Variants in PLAGL1 observed in about 807,000 individuals in gnomAD.
The protein encoded by PLAGL1 is zinc finger protein PLAGL1.
Under a neutral mutation model 4.6 loss-of-function variants are expected in PLAGL1, and 1 was observed. The observed-to-expected ratio is 0.22, with a 90% CI of 0.08 to 1.03. The LOEUF is 1.03. Among genes scored for constraint, PLAGL1 ranks in the 50% least tolerant of loss-of-function variants. The pLI is 0.58. For missense variants in PLAGL1, 464 were observed against 570.4 expected (o/e 0.81, Z 1.90); for synonymous variants, 240 against 237.8 (o/e 1.01, Z -0.08).
In PLAGL1 at chr6:144,006,192, C is replaced by G. The variant is rs1794130666; in HGVS notation, c.-584+1898G>C. On this transcript the variant is annotated intron_variant, in intron 1 of 7. Coordinates refer to ENST00000674357, the MANE Select transcript of PLAGL1 (RefSeq NM_001317162.2). This position sits in a 1 kb window ranked among gnomAD's most constrained non-coding sequence, Gnocchi z 4.3. ...ATTACTGATAAATTCCCTAGGTACT[C>G]CTCCCTGAGCAAGATTTTTTTTTTC... 6.7e-6 allele frequency: 1 copy of G among 149,610 alleles called. No individual in the cohort carries two copies. 9.3% of individuals were successfully genotyped at this position (149,610 alleles called of 1,614,324 possible). A position where few individuals can be genotyped will look rare whatever the true frequency, so the allele number is the denominator to read the frequency against.
intron 1 of PLAGL1, among the ~76,000 whole-genome samples, chr6:144,035,624 C>T (rs912690531): frequency 6.6e-6 from 1 of 152,194 alleles, no homozygotes; most frequent in Non-Finnish European, 1.5e-5. Context: ...TTGCATCCTT[C>T]AATCTAATCA....
At chr6:143,946,354 T>C (rs1779788198) in intron 7 of PLAGL1, among the ~76,000 whole-genome samples, 2 of 152,218 alleles carry the variant, frequency 1.3e-5, no homozygotes, top group Non-Finnish European at 2.9e-5. Context: ...GTGTCCTCAC[T>C]GTGACTCAGT....
rs17073244 is a variant in PLAGL1 at position 143,949,679 on chromosome 6, G to A, written c.-324-1219C>T. ...AAAATTAAGAGTACTGTATGCTTAG[G>A]TGAAGTACACTTGAGTAGCTTTTGT... On this transcript the variant is annotated intron_variant, in intron 6 of 7. Coordinates refer to ENST00000674357, the MANE Select transcript of PLAGL1 (RefSeq NM_001317162.2). This position sits in a 1 kb window ranked among gnomAD's most constrained non-coding sequence, Gnocchi z 5.3. Among the ~76,000 whole-genome samples, 8,506 of 152,214 alleles carry A rather than the reference G, an allele frequency of 0.056. 277 individuals are homozygous for A. Among genetic ancestry groups the A allele is most frequent in the Non-Finnish European group, 0.065 (4,403 of 68,004 alleles).
rs964585404 is a variant in PLAGL1 at position 143,975,379 on chromosome 6, A to G, written c.-543-6401T>C. On this transcript the variant is annotated intron_variant, in intron 2 of 7. Coordinates refer to ENST00000674357, the MANE Select transcript of PLAGL1 (RefSeq NM_001317162.2). This position sits in a 1 kb window ranked among gnomAD's most constrained non-coding sequence, Gnocchi z 5.8. ...AATAATTTTATAAATTAAGCAATTA[A>G]CAATATTTTTGGAACCTTAGTTTCC... Among the ~76,000 whole-genome samples, 2 of 152,192 alleles carry G rather than the reference A, an allele frequency of 1.3e-5. No individual in the cohort carries two copies. The highest frequency in any genetic ancestry group is 4.8e-5 in the African/African-American group (2 of 41,436).
Position 144,045,167 on chromosome 6 carries a change from A to C in PLAGL1, c.-151+19301T>G, listed in dbSNP as rs556600146. 1.2e-3 allele frequency among the ~76,000 whole-genome samples: 181 copies of C among 151,844 alleles called. 1 individual carries two copies. The highest frequency in any genetic ancestry group is 4.1e-3 in the African/African-American group (168 of 41,404). On this transcript the variant is annotated intron_variant, in intron 1 of 3. Coordinates refer to the PLAGL1 transcript ENST00000437412. Reference sequence around the variant, plus strand: ...GCCAGTCTGTGTCTTTTAATTGGGGAATTTAGCCCATTTACATTTAAGGTA... The same window carrying C: ...GCCAGTCTGTGTCTTTTAATTGGGGCATTTAGCCCATTTACATTTAAGGTA...
rs114770358 is a variant in PLAGL1 at position 143,991,121 on chromosome 6, C to T, written c.-583-5947G>A. ...TCACTCTGACAGATGTGACATTGTC[C>T]CATTATGTCCACAAGGTTGGAAAAC... is the stretch of plus-strand genomic sequence containing the variant. On this transcript the variant is annotated intron_variant, in intron 1 of 7. Coordinates refer to ENST00000674357, the MANE Select transcript of PLAGL1 (RefSeq NM_001317162.2). Among the ~76,000 whole-genome samples, 1,351 of 152,186 alleles carry T rather than the reference C, an allele frequency of 8.9e-3. 24 individuals are homozygous for T. The highest frequency in any genetic ancestry group is 0.029 in the African/African-American group (1,197 of 41,514).
intron 1 of PLAGL1, chr6:144,007,634 G>A (rs977009569): frequency 2.0e-5 from 3 of 152,214 alleles, no homozygotes; most frequent in Admixed American, 1.3e-4. Flanking sequence ...ACTTTTAAGA[G>A]TATGTCTGAT....
upstream of PLAGL1, among the ~76,000 whole-genome samples, chr6:144,012,348 G>A (rs1449488488): frequency 6.6e-6 from 1 of 152,004 alleles, no homozygotes; most frequent in African/African-American, 2.4e-5. The surrounding 1 kb of genome is among the most constrained non-coding windows in gnomAD (Gnocchi z 4.8). Flanking sequence ...GAGTAGCTGG[G>A]ATTATAGGCG....
intron 1 of PLAGL1, among the ~76,000 whole-genome samples, chr6:144,057,708 G>A (rs116417715): frequency 1.5e-3 from 222 of 151,494 alleles, no homozygotes; most frequent in African/African-American, 5.1e-3. Flanking sequence ...AGCTGTGCCC[G>A]AAGAGAAAAG....
chr6:144,044,543 C>T (rs1389821471), intron 1 of PLAGL1, among the ~76,000 whole-genome samples: 1 of 152,124 alleles, frequency 6.6e-6, no homozygotes, highest in African/African-American at 2.4e-5. Context: ...GTCTGAGAGA[C>T]AGTTTGTTGT....
At chr6:144,003,441 G>A (rs779897757) in intron 1 of PLAGL1, among the ~76,000 whole-genome samples, 8 of 152,120 alleles carry the variant, frequency 5.3e-5, no homozygotes, top group East Asian at 1.9e-4. Flanking sequence ...TGGCCAACGC[G>A]GTGAAACCCC....
Position 143,952,924 on chromosome 6 carries a change from C to T in PLAGL1, c.-324-4464G>A, listed in dbSNP as rs183187476. ...ATTTAAAAAAGCTATTTAGAAATGTCATCAGGAGAAAGATGATATCCAGAA... is the reference window on the plus strand; with the variant it reads ...ATTTAAAAAAGCTATTTAGAAATGTTATCAGGAGAAAGATGATATCCAGAA... On this transcript the variant is annotated intron_variant, in intron 6 of 7. Coordinates refer to ENST00000674357, the MANE Select transcript of PLAGL1 (RefSeq NM_001317162.2). The surrounding 1 kb of genome is among the most constrained non-coding windows in gnomAD (Gnocchi z 6.1). 6.6e-5 allele frequency among the ~76,000 whole-genome samples: 10 copies of T among 152,304 alleles called. No individual in the cohort carries two copies. Among genetic ancestry groups the T allele is most frequent in the Non-Finnish European group, 1.3e-4 (9 of 68,014 alleles).
intron 1 of PLAGL1, among the ~76,000 whole-genome samples, chr6:144,025,225 G>T (rs1796249415): frequency 6.6e-6 from 1 of 152,148 alleles, no homozygotes; most frequent in Non-Finnish European, 1.5e-5. Flanking sequence ...CACCCAAATT[G>T]AGGGACTTTC....
intron 1 of PLAGL1, among the ~76,000 whole-genome samples, chr6:144,019,928 T>C (rs967165064): frequency 3.3e-5 from 5 of 152,140 alleles, no homozygotes; most frequent in African/African-American, 1.2e-4. Context: ...GTATGCCTAA[T>C]ATTGACCAGA....
chr6:144,054,171 A>G (rs1357715115), intron 1 of PLAGL1, among the ~76,000 whole-genome samples: 1 of 152,248 alleles, frequency 6.6e-6, no homozygotes, highest in Non-Finnish European at 1.5e-5. Context: ...ACAAAAGTAT[A>G]TAAAGTAAAA....
chr6:143,943,031 A>ATTTTTTTTTTTTTTT (rs61216054), intron 7 of PLAGL1, among the ~76,000 whole-genome samples: 1,138 of 64,578 alleles, frequency 0.018, 218 homozygotes, highest in Non-Finnish European at 0.024. Flanking sequence ...GGCCTGGCTA[A>ATTTTTTTTTTTTTTT]TTTTTTTTTT....
rs530130165 is a variant in PLAGL1 at position 143,990,534 on chromosome 6, T to C, written c.-583-5360A>G. ...ACAGAAAACTTAGATAATCCCCATTTCCTTACCTCCCACTCACTTTCCAAC... is the reference window on the plus strand; with the variant it reads ...ACAGAAAACTTAGATAATCCCCATTCCCTTACCTCCCACTCACTTTCCAAC... On this transcript the variant is annotated intron_variant, in intron 1 of 7. Transcript: ENST00000674357. The surrounding 1 kb of genome is among the most constrained non-coding windows in gnomAD (Gnocchi z 5.4). 6.6e-6 allele frequency among the ~76,000 whole-genome samples: 1 copy of C among 152,330 alleles called. No homozygotes were observed. Among genetic ancestry groups the C allele is most frequent in the South Asian group, 2.1e-4 (1 of 4,834 alleles).
intron 1 of PLAGL1, among the ~76,000 whole-genome samples, chr6:144,038,238 T>C (rs886615008): frequency 2.0e-5 from 3 of 152,238 alleles, no homozygotes; most frequent in African/African-American, 7.2e-5. Flanking sequence ...TATCTACTTA[T>C]TGTTTGTTTG....
intron 1 of PLAGL1, among the ~76,000 whole-genome samples, chr6:143,998,069 C>A (rs1029233702): frequency 3.9e-5 from 6 of 152,144 alleles, no homozygotes; most frequent in African/African-American, 1.4e-4. Flanking sequence ...AAACACCAAG[C>A]AAAGTGTGGC....
Sources: gnomAD v4.1 joint callset for allele counts (sites outside exome capture counted in the v4.1 genomes callset) on GRCh38, gnomAD v4.1.1 for gene constraint, Gnocchi (gnomAD v3.1) non-coding constraint, MANE v1.5 for transcripts, NCBI Gene and HGNC (gene_info 2026-07-23, HGNC 2026-07-21) for gene names.